UPF2: variants seen among roughly 807,000 people sequenced by gnomAD.
The protein encoded by UPF2 is UPF2 regulator of nonsense mediated mRNA decay, also known as regulator of nonsense transcripts 2.
Under a neutral mutation model 141.4 loss-of-function variants are expected in UPF2, and 17 were observed. That is an observed-to-expected ratio of 0.12 (90% CI 0.08 to 0.18). The LOEUF is 0.18. Among genes scored for constraint, UPF2 ranks in the 10% least tolerant of loss-of-function variants. UPF2 has a pLI of 1.00. For synonymous variants in UPF2, 540 were observed against 498.0 expected (o/e 1.08, Z -1.12); for missense variants, 1,152 against 1,515.9 (o/e 0.76, Z 3.99).
rs575343063 is a variant in UPF2, at chr10:11,946,334, T to A, written c.3174+2035A>T. Among the ~76,000 whole-genome samples the A allele has an allele frequency of 4.6e-5, 7 of 152,360 alleles. No individual in the cohort carries two copies. The South Asian group carries it at 1.5e-3, about 32-fold the overall frequency. ...AGAAAACTTTAATCACCTTAAATTA[T>A]GAGTCCTTTCTCTTTAATTCTAAAT... On this transcript the variant is annotated intron_variant, in intron 16 of 21. Transcript: ENST00000357604.
chr10:11,966,226 A>C (rs1182797369), intron 10 of UPF2, among the ~76,000 whole-genome samples: 1 of 152,126 alleles, frequency 6.6e-6, no homozygotes, highest in Non-Finnish European at 1.5e-5. Context: ...GTATATACTT[A>C]CTTATTCTGT....
intron 21 of UPF2, among the ~76,000 whole-genome samples, chr10:11,923,487 C>T (rs1283273809): frequency 6.6e-6 from 1 of 151,766 alleles, no homozygotes; most frequent in East Asian, 1.9e-4. Flanking sequence ...TCAAGACCAG[C>T]CTGGCCAAGA....
chr10:11,964,153 C>G (rs757967577), intron 10 of UPF2, 28 bp from the exon 11 acceptor site: 2 of 1,521,486 alleles, frequency 1.3e-6, no homozygotes, highest in Non-Finnish European at 1.8e-6. Flanking sequence ...ATGAAAACTA[C>G]AAAGGCAACT....
intron 9 of UPF2, among the ~76,000 whole-genome samples, chr10:11,971,548 G>A (rs1002131563): frequency 1.3e-4 from 20 of 151,768 alleles, no homozygotes; most frequent in East Asian, 3.9e-4. Context: ...CACCGCGCCC[G>A]GTCTTCACTC....
In UPF2 at chr10:11,940,855, G is replaced by A. The variant is rs562314515; in HGVS notation, c.3378+1810C>T. Among the ~76,000 whole-genome samples the A allele has an allele frequency of 4.6e-5, 7 of 152,210 alleles. No individual in the cohort carries two copies. Among genetic ancestry groups the A allele is most frequent in the East Asian group, 3.9e-4 (2 of 5,180 alleles). On this transcript the variant is annotated intron_variant, in intron 18 of 21. Transcript: ENST00000357604. The surrounding 1 kb of genome is among the most constrained non-coding windows in gnomAD (Gnocchi z 4.2). ...GCCCCGCCCTCTATTAGTGCTGGCC[G>A]CCTTTTAGTTTTTTAAATACAGGTT...
chr10:12,035,191 T>C lies in UPF2; in HGVS notation c.233A>G (p.Glu78Gly). The C allele has an allele frequency of 6.2e-7, 1 of 1,613,642 alleles. No individual in the cohort carries two copies. The highest frequency in any genetic ancestry group is 8.5e-7 in the Non-Finnish European group (1 of 1,179,952). ...EDKERKKKDE[E>G]KVKAEEESKK... ...TGATTCTTCCTCTGCCTTCACCTTT[T>C]CTTCGTCTTTTTTCTTGCGTTCCTT... The change falls in exon 2 of 22, where the codon GAA (glutamate) becomes GGA (glycine). Residue 78 changes from glutamate to glycine, a missense_variant. By Grantham distance (98) the Glu-to-Gly change is moderately conservative. This residue lies in a region of UPF2 where 145 missense variants were observed against 136.5 expected (regional missense o/e 1.06). Coordinates refer to ENST00000357604, the MANE Select transcript of UPF2 (RefSeq NM_015542.4).
In UPF2 at chr10:11,936,411, T is replaced by C; in HGVS notation, c.3546+134A>G. 1.1e-6 allele frequency: 1 copy of C among 932,208 alleles called. No individual in the cohort carries two copies. Among genetic ancestry groups the C allele is most frequent in the Non-Finnish European group, 1.5e-6 (1 of 679,128 alleles). 57.7% of individuals were successfully genotyped at this position (932,208 alleles called of 1,614,324 possible). A position where few individuals can be genotyped will look rare whatever the true frequency, so the allele number is the denominator to read the frequency against. ...AAAAACAAAAACAAAAAAAACTATA[T>C]AAGGGAAGAAATTATTCTACCACTG... On this transcript the variant is annotated intron_variant, in intron 19 of 21. Coordinates refer to ENST00000357604, the MANE Select transcript of UPF2 (RefSeq NM_015542.4). This position sits in a 1 kb window ranked among gnomAD's most constrained non-coding sequence, Gnocchi z 6.6.
intron 4 of UPF2, among the ~76,000 whole-genome samples, chr10:12,008,154 T>C (rs990707978): frequency 6.6e-6 from 1 of 151,826 alleles, no homozygotes; most frequent in African/African-American, 2.4e-5. Flanking sequence ...AGTGCTTTTA[T>C]AAATCAATTT....
rs115914130 is a variant in UPF2, at chr10:11,965,794, A to G, written c.2067+1547T>C. Reference sequence around the variant, plus strand: ...TTTTAAAAACTCTAAGAAGTCATGCATTAAAAAAAAAACTGTTTAATTTTG... The same window carrying G: ...TTTTAAAAACTCTAAGAAGTCATGCGTTAAAAAAAAAACTGTTTAATTTTG... On this transcript the variant is annotated intron_variant, in intron 10 of 21. Transcript: ENST00000357604. Among the ~76,000 whole-genome samples, 1,213 of 152,248 alleles carry G rather than the reference A, an allele frequency of 8.0e-3. 11 individuals are homozygous for G. Among genetic ancestry groups the G allele is most frequent in the African/African-American group, 0.028 (1,146 of 41,522 alleles).
At chr10:11,973,609 C>A (rs113081031) in intron 9 of UPF2, among the ~76,000 whole-genome samples, 1 of 152,178 alleles carries the variant, frequency 6.6e-6, no homozygotes, top group African/African-American at 2.4e-5. Flanking sequence ...ATATGGCTAG[C>A]CAGTTTTCCC....
intron 8 of UPF2, among the ~76,000 whole-genome samples, chr10:11,994,973 C>A (rs1833841488): frequency 1.8e-5 from 1 of 54,228 alleles, no homozygotes; most frequent in South Asian, 1.1e-3. Context: ...GAGACTCCAT[C>A]TCAAAAAAAA....
intron 4 of UPF2, 47 bp downstream of exon 4, chr10:12,013,977 C>T (rs1405592960): frequency 1.4e-6 from 2 of 1,428,064 alleles, no homozygotes; most frequent in African/African-American, 2.9e-5. Context: ...AGGTAAGTGA[C>T]AGTGCTTACA....
chr10:12,006,172 G>A (rs751375404), intron 4 of UPF2, among the ~76,000 whole-genome samples: 19 of 152,182 alleles, frequency 1.2e-4, no homozygotes, highest in Non-Finnish European at 2.4e-4. Context: ...GCGTGACCAC[G>A]CTCAGCCTTT....
chr10:11,981,976 G>A (rs370295208), intron 8 of UPF2, among the ~76,000 whole-genome samples: 3 of 151,574 alleles, frequency 2.0e-5, no homozygotes, highest in South Asian at 2.1e-4. Flanking sequence ...GCGCCACTGC[G>A]CCCAGCCCCT....
chr10:12,003,499 T>C (rs942448956), intron 5 of UPF2, among the ~76,000 whole-genome samples: 1 of 152,052 alleles, frequency 6.6e-6, no homozygotes, highest in South Asian at 2.1e-4. Flanking sequence ...TTAAGGGTAA[T>C]AGAGTTGTAA....
chr10:12,006,374 T>C (rs1216783058), intron 4 of UPF2, among the ~76,000 whole-genome samples: 1 of 152,220 alleles, frequency 6.6e-6, no homozygotes, highest in Admixed American at 6.5e-5. Context: ...TATGAGCCCA[T>C]TCATGAACTT....
intron 8 of UPF2, among the ~76,000 whole-genome samples, chr10:11,985,621 C>CAA (rs1254604523): frequency 4.8e-5 from 4 of 82,788 alleles, no homozygotes; most frequent in Admixed American, 1.3e-4. Flanking sequence ...AGTCCGTCTC[C>CAA]AAAAAAAAAA....
intron 9 of UPF2, 128 bp downstream of exon 9, chr10:11,978,929 C>T (rs1007784948): frequency 5.7e-6 from 4 of 699,126 alleles, no homozygotes; most frequent in Non-Finnish European, 6.9e-6. Context: ...TTTAGAATGC[C>T]GTAAATTCTA....
chr10:11,967,206 T>C (rs1411382009), intron 10 of UPF2, 135 bp downstream of exon 10: 2 of 509,228 alleles, frequency 3.9e-6, no homozygotes, highest in Non-Finnish European at 6.6e-6. Flanking sequence ...TGCACACTTG[T>C]TTAACGTTAC....
Sources: allele counts gnomAD v4.1 joint callset (sites outside exome capture counted in the v4.1 genomes callset), GRCh38; gene constraint gnomAD v4.1.1; regional missense constraint gnomAD v4.1.1; non-coding constraint Gnocchi (gnomAD v3.1); transcripts MANE v1.5; gene names NCBI Gene and HGNC (gene_info 2026-07-23, HGNC 2026-07-21).